Variants in MCMBP observed in about 807,000 individuals in gnomAD.
The protein encoded by MCMBP is mini-chromosome maintenance complex-binding protein.
A neutral mutation model predicts 81.3 loss-of-function variants in MCMBP; 31 were observed. The ratio of observed to expected loss-of-function variants is 0.38; its 90% CI spans 0.29 to 0.51. The LOEUF (loss-of-function observed/expected upper bound fraction) is 0.51, where lower values mean the gene tolerates loss of function less well. Ranked by LOEUF, MCMBP falls within the 20% of genes least tolerant of loss-of-function variation. MCMBP has a pLI of 0.87. For missense variants in MCMBP, 645 were observed against 772.1 expected (o/e 0.84, Z 1.95); for synonymous variants, 267 against 275.9 (o/e 0.97, Z 0.32).
intron 11 of MCMBP, among the ~76,000 whole-genome samples, chr10:119,840,104 T>C (rs941090998): frequency 6.6e-6 from 1 of 152,226 alleles, no homozygotes; most frequent in Non-Finnish European, 1.5e-5. Context: ...CTTTATCTTC[T>C]AGTTTGGTAA....
At chr10:119,841,801 A>C (rs963737731) in intron 10 of MCMBP, among the ~76,000 whole-genome samples, 3 of 152,262 alleles carry the variant, frequency 2.0e-5, no homozygotes, top group Admixed American at 6.5e-5. Flanking sequence ...TGCTAGTGTC[A>C]ATGTCCACGT....
chr10:119,853,253 T>A, intron 5 of MCMBP, 59 bp from the exon 6 acceptor site: 3 of 1,529,636 alleles, frequency 2.0e-6, no homozygotes, highest in Non-Finnish European at 2.7e-6. Context: ...AAAGTTTTGC[T>A]AATTATATGA....
chr10:119,833,969 G>C (rs2134334894), intron 14 of MCMBP, among the ~76,000 whole-genome samples: 1 of 152,198 alleles, frequency 6.6e-6, no homozygotes, highest in East Asian at 1.9e-4. Flanking sequence ...ATTCTCTAGA[G>C]GTGCTCAGAT....
intron 1 of MCMBP, among the ~76,000 whole-genome samples, chr10:119,868,106 T>C (rs1014913965): frequency 6.6e-5 from 10 of 152,312 alleles, no homozygotes; most frequent in African/African-American, 9.6e-5. Flanking sequence ...ATAATGATCT[T>C]GGTCTAACCA....
chr10:119,861,456 T>G (rs1832022123), intron 1 of MCMBP, among the ~76,000 whole-genome samples: 1 of 152,138 alleles, frequency 6.6e-6, no homozygotes, highest in African/African-American at 2.4e-5. Flanking sequence ...AATTCATATT[T>G]TAAAAAGCCC....
intron 5 of MCMBP, among the ~76,000 whole-genome samples, chr10:119,854,540 A>AAAATAAATAAATAAAT (rs138139742): frequency 2.1e-4 from 29 of 140,750 alleles, no homozygotes; most frequent in South Asian, 1.1e-3. Flanking sequence ...CCCTGTCTCA[A>AAAATAAATAAATAAAT]AAATAAATAA....
At chr10:119,871,876 C>T (rs1485584609) in intron 1 of MCMBP, among the ~76,000 whole-genome samples, 3 of 152,186 alleles carry the variant, frequency 2.0e-5, no homozygotes, top group Admixed American at 2.0e-4. Flanking sequence ...ACTAAGCTCG[C>T]CTGCAGGATT....
rs1851976268 is a variant in MCMBP at position 119,830,410 on chromosome 10, T to TA, written c.*1063dup. The TA allele has an allele frequency of 6.6e-6, 1 of 152,254 alleles. No homozygotes were observed. Among genetic ancestry groups the TA allele is most frequent in the Non-Finnish European group, 1.5e-5 (1 of 68,040 alleles). 9.4% of individuals were successfully genotyped at this position (152,254 alleles called of 1,614,324 possible). ...CCTACCTGCAGTTGTACGAGGCTGT[T>TA]ACTGGAGTAGCAGATGTTAGCTGAT... On this transcript the variant is annotated 3_prime_UTR_variant, in exon 16 of 16. Coordinates refer to ENST00000369077, the MANE Select transcript of MCMBP (RefSeq NM_001256378.2).
intron 5 of MCMBP, among the ~76,000 whole-genome samples, chr10:119,855,025 T>G (rs1938045846): frequency 6.7e-6 from 1 of 150,008 alleles, no homozygotes; most frequent in African/African-American, 2.5e-5. Flanking sequence ...ATGCCAAATA[T>G]AAAAAAAGAT....
chr10:119,858,522 TATA>T (rs61085593), intron 4 of MCMBP, among the ~76,000 whole-genome samples: 16,044 of 152,128 alleles, frequency 0.11, 900 homozygotes, highest in South Asian at 0.17. Flanking sequence ...ATTTCTGTAT[TATA>T]GGCTGATTCT....
chr10:119,868,837 A>G (rs1208628845), intron 1 of MCMBP, among the ~76,000 whole-genome samples: 1 of 152,194 alleles, frequency 6.6e-6, no homozygotes, highest in Non-Finnish European at 1.5e-5. Flanking sequence ...AAATCAGCAG[A>G]TGCAAAAAGG....
At chr10:119,844,904 C>CG (rs1378557709) in intron 8 of MCMBP, among the ~76,000 whole-genome samples, 3 of 152,180 alleles carry the variant, frequency 2.0e-5, no homozygotes, top group African/African-American at 7.2e-5. Flanking sequence ...CCTTCAGCCA[C>CG]GGACTGAAGC....
chr10:119,873,152 C>G (rs1469097330), upstream of MCMBP, among the ~76,000 whole-genome samples: 2 of 152,192 alleles, frequency 1.3e-5, no homozygotes, highest in South Asian at 2.1e-4. Flanking sequence ...AGCTGAAAAG[C>G]ATTAAGCTCA....
At chr10:119,831,643 T>C in intron 15 of MCMBP, 43 bp from the exon 16 acceptor site, 1 of 1,595,282 alleles carries the variant, frequency 6.3e-7, no homozygotes, top group Non-Finnish European at 8.5e-7. Flanking sequence ...AGAGCTGGGA[T>C]AGTAAGTTTT....
chr10:119,857,257 C>T, intron 5 of MCMBP, 81 bp downstream of exon 5: 1 of 1,017,596 alleles, frequency 9.8e-7, no homozygotes, highest in Non-Finnish European at 1.5e-6. Context: ...AAAATAAAGC[C>T]AAGCTTTGCA....
intron 1 of MCMBP, among the ~76,000 whole-genome samples, chr10:119,866,460 T>G (rs1365687683): frequency 6.6e-6 from 1 of 152,174 alleles, no homozygotes; most frequent in Non-Finnish European, 1.5e-5. Flanking sequence ...ACTCCGTCTC[T>G]ACTAAAAATA....
At chr10:119,854,897 T>C (rs1300216996) in intron 5 of MCMBP, among the ~76,000 whole-genome samples, 1 of 149,330 alleles carries the variant, frequency 6.7e-6, no homozygotes, top group East Asian at 2.0e-4. Flanking sequence ...GAGGTTGCAG[T>C]GAGCCGAAAT....
At chr10:119,868,105 T>C (rs1853537508) in intron 1 of MCMBP, among the ~76,000 whole-genome samples, 1 of 152,164 alleles carries the variant, frequency 6.6e-6, no homozygotes, top group Non-Finnish European at 1.5e-5. Context: ...AATAATGATC[T>C]TGGTCTAACC....
At chr10:119,846,566 G>C (rs1852627591) in intron 8 of MCMBP, among the ~76,000 whole-genome samples, 1 of 152,170 alleles carries the variant, frequency 6.6e-6, no homozygotes, top group Admixed American at 6.5e-5. Flanking sequence ...TTACAGAAGA[G>C]ACATCTGGAA....
Sources: allele counts gnomAD v4.1 joint callset (sites outside exome capture counted in the v4.1 genomes callset), GRCh38; gene constraint gnomAD v4.1.1; transcripts MANE v1.5; gene names NCBI Gene and HGNC (gene_info 2026-07-23, HGNC 2026-07-21).